Variants in SIPA1L1 observed in about 807,000 individuals in gnomAD.
SIPA1L1 encodes signal-induced proliferation-associated 1-like protein 1.
In SIPA1L1, 26 loss-of-function variants were observed where a neutral mutation model predicts 162.7. The ratio of observed to expected loss-of-function variants is 0.16; its 90% CI spans 0.12 to 0.22. The LOEUF is 0.22. Among genes scored for constraint, SIPA1L1 ranks in the 10% least tolerant of loss-of-function variants. The probability of loss-of-function intolerance (pLI) is 1.00; values close to 1 mark genes in which losing one functional copy is unlikely to be tolerated. For synonymous variants in SIPA1L1, 829 were observed against 837.4 expected, an observed-to-expected ratio of 0.99 and a Z score of 0.17; for missense variants, 1,874 against 2,241.0, an observed-to-expected ratio of 0.84 and a Z score of 3.31.
At chr14:71,655,241 G>A (rs146245177) in intron 8 of SIPA1L1, among the ~76,000 whole-genome samples, 218 of 152,190 alleles carry the variant, frequency 1.4e-3, no homozygotes, top group Non-Finnish European at 2.5e-3. Flanking sequence ...CTGTTTCTGC[G>A]TTAATTCACT....
intron 17 of SIPA1L1, 83 bp from the exon 18 acceptor site, chr14:71,723,564 C>A: frequency 6.7e-7 from 1 of 1,498,020 alleles, no homozygotes; most frequent in South Asian, 1.2e-5. Context: ...TTCAACCCAG[C>A]CATCACCCGT....
At chr14:71,476,956 C>CA (rs1477905533) in intron 2 of SIPA1L1, among the ~76,000 whole-genome samples, 1 of 152,044 alleles carries the variant, frequency 6.6e-6, no homozygotes, top group Non-Finnish European at 1.5e-5. Context: ...CTACCTCGCT[C>CA]AAAAAGTTTC....
intron 2 of SIPA1L1, among the ~76,000 whole-genome samples, chr14:71,398,156 C>G (rs113526618): frequency 2.0e-5 from 3 of 151,930 alleles, no homozygotes; most frequent in Non-Finnish European, 4.4e-5. Flanking sequence ...GCTGGGACTA[C>G]AGGCGCCTGC....
At chr14:71,497,250 G>T (rs1361280236) in intron 2 of SIPA1L1, among the ~76,000 whole-genome samples, 2 of 152,050 alleles carry the variant, frequency 1.3e-5, no homozygotes, top group Non-Finnish European at 2.9e-5. Flanking sequence ...TTGCTATATT[G>T]CCCAGGCTGG....
rs369183348 is a variant in SIPA1L1, at chr14:71,497,193, A to C, written c.-464-15550A>C. Among the ~76,000 whole-genome samples, 3 of 101,436 alleles carry C rather than the reference A, an allele frequency of 3.0e-5. No individual in the cohort carries two copies. In the East Asian group the frequency reaches 7.0e-4, roughly 24 times the overall value. 66.5% of individuals were successfully genotyped at this position (101,436 alleles called of 152,430 possible). On this transcript the variant is annotated intron_variant, in intron 2 of 23. Transcript: ENST00000381232. ...TCAAAAAACAAACAAACAAAAAAACAAAAAAAAAGATCCTACAGTTTTATT... is the reference window on the plus strand; with the variant it reads ...TCAAAAAACAAACAAACAAAAAAACCAAAAAAAAGATCCTACAGTTTTATT...
chr14:71,497,854 G>C (rs146200135), intron 2 of SIPA1L1: 146 of 152,320 alleles, frequency 9.6e-4, no homozygotes, highest in African/African-American at 3.3e-3. Flanking sequence ...ATTTCTCTAG[G>C]ATAGATGCCC....
At chr14:71,426,248 G>A (rs1251718259) in intron 2 of SIPA1L1, among the ~76,000 whole-genome samples, 1 of 152,166 alleles carries the variant, frequency 6.6e-6, no homozygotes, top group East Asian at 1.9e-4. Flanking sequence ...TTAAAGTAAT[G>A]ACTGATAAGG....
chr14:71,331,528 A>G (rs183679899), intron 2 of SIPA1L1, among the ~76,000 whole-genome samples: 20 of 152,340 alleles, frequency 1.3e-4, no homozygotes, highest in Middle Eastern at 3.4e-3. Context: ...TTTGCAAAGT[A>G]CTTTCACACA....
intron 7 of SIPA1L1, among the ~76,000 whole-genome samples, chr14:71,628,659 A>G (rs1029868449): frequency 2.6e-5 from 4 of 152,210 alleles, no homozygotes; most frequent in Non-Finnish European, 4.4e-5. Flanking sequence ...ACTGTAATGG[A>G]TGTCAGGGTT....
At chr14:71,381,526 A>G (rs1033059627) in intron 2 of SIPA1L1, among the ~76,000 whole-genome samples, 1 of 152,266 alleles carries the variant, frequency 6.6e-6, no homozygotes, top group Non-Finnish European at 1.5e-5. Flanking sequence ...ATAGAGTTAT[A>G]TAACTGAATG....
intron 2 of SIPA1L1, among the ~76,000 whole-genome samples, chr14:71,465,931 A>C (rs1256880793): frequency 2.0e-5 from 3 of 152,140 alleles, no homozygotes; most frequent in African/African-American, 7.2e-5. Context: ...GCCTTTTCAC[A>C]TTCTTCTGCC....
chr14:71,618,882 A>G lies in SIPA1L1; in HGVS notation c.1624A>G (p.Ser542Gly), dbSNP rs761003346. The change falls in exon 6 of 24, where the codon AGT (serine) becomes GGT (glycine). Residue 542 changes from serine (S) to glycine (G), a missense_variant. Around this residue, in one of 5 missense-constraint regions of SIPA1L1, gnomAD observed 685 missense variants for 828.0 expected, o/e 0.83. Transcript: ENST00000381232. ...PYNYRIIFRT[S>G]ELMTLRGSVL... Reference sequence around the variant, plus strand: ...CAACTACCGAATAATTTTTAGAACTAGTGAGGTAAGTCGCAAATGAGAGAG... The same window carrying G: ...CAACTACCGAATAATTTTTAGAACTGGTGAGGTAAGTCGCAAATGAGAGAG... The G allele has an allele frequency of 3.1e-6, 5 of 1,613,284 alleles. No individual in the cohort carries two copies. In the South Asian group the frequency reaches 4.4e-5, roughly 14 times the overall value.
At chr14:71,502,255 A>AAAAAAATATATATATAT (rs67020418) in intron 2 of SIPA1L1, among the ~76,000 whole-genome samples, 42 of 97,538 alleles carry the variant, frequency 4.3e-4, no homozygotes, top group African/African-American at 1.8e-3. Context: ...AAAAAAAAAA[A>AAAAAAATATATATATAT]ATATATATAT....
intron 16 of SIPA1L1, among the ~76,000 whole-genome samples, chr14:71,708,015 G>GTTTTTTTTTTTTTTTTTTTTT (rs34838057): frequency 1.0e-5 from 1 of 100,300 alleles, no homozygotes; most frequent in Non-Finnish European, 1.9e-5. Flanking sequence ...GTTTTTTGGT[G>GTTTTTTTTTTTTTTTTTTTTT]TTTTTTTTTT....
chr14:71,405,616 A>G (rs2041979304), intron 2 of SIPA1L1, among the ~76,000 whole-genome samples: 1 of 152,124 alleles, frequency 6.6e-6, no homozygotes, highest in East Asian at 1.9e-4. Context: ...ATTTCAGTTC[A>G]CTAAGCTCGG....
At chr14:71,583,062 T>G (rs906086074) in intron 4 of SIPA1L1, among the ~76,000 whole-genome samples, 10 of 152,254 alleles carry the variant, frequency 6.6e-5, no homozygotes, top group African/African-American at 2.2e-4. Context: ...TGAAGTTATA[T>G]TTCTGTTTTT....
intron 17 of SIPA1L1, among the ~76,000 whole-genome samples, chr14:71,710,536 G>T (rs2082791836): frequency 6.6e-6 from 1 of 152,122 alleles, no homozygotes; most frequent in South Asian, 2.1e-4. Flanking sequence ...GGCTGGGCGT[G>T]GTGGCTCACG....
chr14:71,532,919 C>CTT (rs1316165099), intron 4 of SIPA1L1, among the ~76,000 whole-genome samples: 1 of 152,164 alleles, frequency 6.6e-6, no homozygotes, highest in Non-Finnish European at 1.5e-5. Context: ...CCACTCAGAC[C>CTT]TTTTAGACCT....
chr14:71,445,305 G>T (rs1459084469), intron 2 of SIPA1L1, among the ~76,000 whole-genome samples: 1 of 152,134 alleles, frequency 6.6e-6, no homozygotes, highest in African/African-American at 2.4e-5. Flanking sequence ...TGAGAGAGTA[G>T]GATTAGAATC....
Sources: gnomAD v4.1 joint callset for allele counts (sites outside exome capture counted in the v4.1 genomes callset) on GRCh38, gnomAD v4.1.1 for gene constraint, gnomAD v4.1.1 regional missense constraint, MANE v1.5 for transcripts, NCBI Gene and HGNC (gene_info 2026-07-23, HGNC 2026-07-21) for gene names.